The following DLGAP2 variants were observed in gnomAD, a reference collection of about 807,000 sequenced individuals.
DLGAP2 encodes the protein disks large-associated protein 2.
DLGAP2 carries 26 observed loss-of-function variants against 100.3 expected under a neutral mutation model. That is an observed-to-expected ratio of 0.26 (90% confidence interval 0.19 to 0.36). DLGAP2 has a LOEUF of 0.36. DLGAP2 is among the 10% of genes least tolerant of loss of function. The pLI is 1.00. For synonymous variants in DLGAP2, 886 were observed against 630.1 expected, an observed-to-expected ratio of 1.41 and a Z score of -6.08; for missense variants, 1,858 against 1,453.2, an observed-to-expected ratio of 1.28 and a Z score of -4.53.
intron 1 of DLGAP2, among the ~76,000 whole-genome samples, chr8:896,843 T>C (rs1178454592): frequency 1.3e-5 from 2 of 152,206 alleles, no homozygotes; most frequent in African/African-American, 4.8e-5. Flanking sequence ...CAGCCCCAGC[T>C]GACTAAGACA....
At chr8:1,170,559 G>A (rs1024639133) in intron 2 of DLGAP2, among the ~76,000 whole-genome samples, 1 of 147,506 alleles carries the variant, frequency 6.8e-6, no homozygotes, top group African/African-American at 2.5e-5. Flanking sequence ...CACAATTTCA[G>A]CTCCTGTTAT....
In DLGAP2 at chr8:1,706,061, G is replaced by C. The variant is rs556306784; in HGVS notation, c.*4655G>C. The C allele has an allele frequency of 2.6e-5, 4 of 152,302 alleles. No homozygotes were observed. The South Asian group carries it at 6.2e-4, about 24-fold the overall frequency. The allele number at this position is 152,302 out of a possible 1,614,324, so 9.4% of individuals were successfully genotyped here. A position where few individuals can be genotyped will look rare whatever the true frequency, so the allele number is the denominator to read the frequency against. On this transcript the variant is annotated 3_prime_UTR_variant, in exon 15 of 15. Coordinates refer to ENST00000637795, the MANE Select transcript of DLGAP2 (RefSeq NM_001346810.2). ...GAGCCCCATCTTGTCGCTATTAGTT[G>C]GGAGTTGCAATACATTGTTGGCCAT... is the stretch of plus-strand genomic sequence containing the variant.
chr8:1,216,895 C>G (rs1413407438), intron 2 of DLGAP2, among the ~76,000 whole-genome samples: 1 of 151,982 alleles, frequency 6.6e-6, no homozygotes, highest in Non-Finnish European at 1.5e-5. Flanking sequence ...GTGTTTAATC[C>G]CCACACAGGT....
chr8:895,758 G>T (rs955962984), intron 1 of DLGAP2, among the ~76,000 whole-genome samples: 1 of 152,146 alleles, frequency 6.6e-6, no homozygotes, highest in Non-Finnish European at 1.5e-5. Context: ...GTCCAGGTCG[G>T]TGTGGGGCAG....
intron 3 of DLGAP2, among the ~76,000 whole-genome samples, chr8:1,324,219 A>G (rs1800970657): frequency 6.6e-6 from 1 of 152,120 alleles, no homozygotes; most frequent in African/African-American, 2.4e-5. Flanking sequence ...ATTAGGACAA[A>G]CCACTGTCTC....
At chr8:1,697,056 C>T in intron 13 of DLGAP2, 91 bp from the exon 14 acceptor site, 2 of 1,340,040 alleles carry the variant, frequency 1.5e-6, no homozygotes, top group South Asian at 1.8e-5. Flanking sequence ...TAATCCGCCT[C>T]TTGAAAGGCA....
intron 1 of DLGAP2, among the ~76,000 whole-genome samples, chr8:787,340 C>A (rs1346641252): frequency 6.6e-6 from 1 of 152,206 alleles, no homozygotes; most frequent in East Asian, 1.9e-4. Flanking sequence ...GACCCTCCTT[C>A]CCATGTTGTA....
intron 3 of DLGAP2, among the ~76,000 whole-genome samples, chr8:1,298,238 C>T (rs574573383): frequency 6.6e-6 from 1 of 152,260 alleles, no homozygotes; most frequent in African/African-American, 2.4e-5. Flanking sequence ...GATCTTATTT[C>T]AGCATCTTTA....
At chr8:1,352,828 A>G (rs148066186) in intron 3 of DLGAP2, among the ~76,000 whole-genome samples, 177 of 152,254 alleles carry the variant, frequency 1.2e-3, no homozygotes, top group African/African-American at 3.8e-3. Flanking sequence ...CTCATCCCAT[A>G]GTAAGTCATT....
chr8:1,539,945 A>G (rs1157384686), intron 4 of DLGAP2, among the ~76,000 whole-genome samples: 2 of 151,906 alleles, frequency 1.3e-5, no homozygotes, highest in African/African-American at 2.4e-5. Context: ...GTGGCTTCCC[A>G]TCTCTTCTCT....
chr8:1,028,491 C>T (rs1339164897), intron 2 of DLGAP2, among the ~76,000 whole-genome samples: 8 of 141,418 alleles, frequency 5.7e-5, no homozygotes, highest in East Asian at 2.1e-4. Context: ...AGGTGGGGTG[C>T]CAGGCGCCCG....
chr8:1,028,287 G>T lies in DLGAP2; in HGVS notation c.73+120321G>T, dbSNP rs569185571. Among the ~76,000 whole-genome samples the T allele has an allele frequency of 3.8e-4, 52 of 137,182 alleles. 1 individual carries two copies. The South Asian group carries it at 0.01, about 27-fold the overall frequency. 90.0% of individuals were successfully genotyped at this position (137,182 alleles called of 152,430 possible). Reference sequence around the variant, plus strand: ...TTATTCTCCAGGTGGGGTGTCAGGCGCCCGTTATTCTCCAGGTCGGGTGTC... The same window carrying T: ...TTATTCTCCAGGTGGGGTGTCAGGCTCCCGTTATTCTCCAGGTCGGGTGTC... On this transcript the variant is annotated intron_variant, in intron 2 of 14. Coordinates refer to ENST00000637795, the MANE Select transcript of DLGAP2 (RefSeq NM_001346810.2).
At chr8:940,183 C>T (rs1467190161) in intron 2 of DLGAP2, among the ~76,000 whole-genome samples, 1 of 152,034 alleles carries the variant, frequency 6.6e-6, no homozygotes, top group African/African-American at 2.4e-5. Context: ...TTTGATGACT[C>T]TTGTGACATT....
intron 4 of DLGAP2, among the ~76,000 whole-genome samples, chr8:1,532,601 A>T (rs978402958): frequency 3.3e-5 from 5 of 152,228 alleles, no homozygotes; most frequent in African/African-American, 1.2e-4. Flanking sequence ...CAAATAATCA[A>T]TTCTTGCTTT....
intron 2 of DLGAP2, among the ~76,000 whole-genome samples, chr8:1,079,319 C>A (rs1803723344): frequency 6.6e-6 from 1 of 152,130 alleles, no homozygotes. Flanking sequence ...TTGTGTTTTA[C>A]AAATATTTTC....
At chr8:898,036 T>G (rs1303333622) in intron 1 of DLGAP2, among the ~76,000 whole-genome samples, 1 of 139,082 alleles carries the variant, frequency 7.2e-6, no homozygotes, top group Non-Finnish European at 1.6e-5. Context: ...GACCCTGACC[T>G]GCAGTAAGTG....
chr8:1,325,985 C>G (rs6558448), intron 3 of DLGAP2, among the ~76,000 whole-genome samples: 56,442 of 152,034 alleles, frequency 0.37, 10,648 homozygotes, highest in African/African-American at 0.44. Context: ...GAGTTTCTGC[C>G]TCCGGGTTAG....
chr8:1,114,682 T>TTCG (rs1320497071), intron 2 of DLGAP2, among the ~76,000 whole-genome samples: 1 of 152,164 alleles, frequency 6.6e-6, no homozygotes, highest in African/African-American at 2.4e-5. Context: ...TCAATGGTTT[T>TTCG]TCGTGTCTTG....
intron 14 of DLGAP2, among the ~76,000 whole-genome samples, chr8:1,698,483 G>A (rs187407887): frequency 3.0e-3 from 407 of 135,074 alleles, no homozygotes; most frequent in African/African-American, 0.012. Flanking sequence ...TAAGCCATGC[G>A]TGGGACTAGG....
Sources: allele counts gnomAD v4.1 joint callset (sites outside exome capture counted in the v4.1 genomes callset), GRCh38; gene constraint gnomAD v4.1.1; transcripts MANE v1.5; gene names NCBI Gene and HGNC (gene_info 2026-07-23, HGNC 2026-07-21).